Variants in C12orf42 observed in about 807,000 individuals in gnomAD.
C12orf42 encodes chromosome 12 open reading frame 42.
Under a neutral mutation model 21.6 loss-of-function variants are expected in C12orf42, and 25 were observed. The observed-to-expected ratio is 1.16, with a 90% confidence interval of 0.84 to 1.62. The LOEUF (loss-of-function observed/expected upper bound fraction) is 1.62, where lower values mean the gene tolerates loss of function less well. Among genes scored for constraint, C12orf42 ranks in the 40% most tolerant of loss-of-function variants. C12orf42 has a pLI of 0.00. For synonymous variants in C12orf42, 174 were observed against 175.0 expected, an observed-to-expected ratio of 0.99 and a Z score of 0.05; for missense variants, 483 against 459.3, an observed-to-expected ratio of 1.05 and a Z score of -0.47.
chr12:103,220,216 C>T, the C12orf42 span, among the ~76,000 whole-genome samples: 2 of 152,032 alleles, frequency 1.3e-5, no homozygotes, highest in Non-Finnish European at 2.9e-5. Flanking sequence ...ATAATGAGAA[C>T]ACATGGACAC....
chr12:103,398,502 A>C (rs1032814798), intron 3 of C12orf42, among the ~76,000 whole-genome samples: 2 of 152,126 alleles, frequency 1.3e-5, no homozygotes, highest in African/African-American at 4.8e-5. Context: ...TGGTAAAGGA[A>C]ACTTTTTAAT....
chr12:103,319,153 G>A (rs1481875298), intron 4 of C12orf42, among the ~76,000 whole-genome samples: 1 of 152,154 alleles, frequency 6.6e-6, no homozygotes, highest in African/African-American at 2.4e-5. Context: ...TCGAAGGGCT[G>A]TATATGTGAA....
rs185714547 is a variant in C12orf42 at position 103,399,479 on chromosome 12, C to T, written c.147+2128G>A. ...CACCTCCCGGGTTCAAATAGAATTACTATATGATCCAGCAAACTCAAAAAA... is the reference window on the plus strand; with the variant it reads ...CACCTCCCGGGTTCAAATAGAATTATTATATGATCCAGCAAACTCAAAAAA... On this transcript the variant is annotated intron_variant, in intron 3 of 5. Transcript: ENST00000548883. 2.4e-3 allele frequency among the ~76,000 whole-genome samples: 353 copies of T among 144,734 alleles called. 3 individuals are homozygous for T. Among genetic ancestry groups the T allele is most frequent in the African/African-American group, 8.7e-3 (346 of 39,554 alleles). 95.0% of individuals were successfully genotyped at this position (144,734 alleles called of 152,430 possible). A position where few individuals can be genotyped will look rare whatever the true frequency, so the allele number is the denominator to read the frequency against.
intron 2 of C12orf42, among the ~76,000 whole-genome samples, chr12:103,409,872 C>T (rs1003029016): frequency 1.3e-5 from 2 of 152,136 alleles, no homozygotes; most frequent in Non-Finnish European, 2.9e-5. Context: ...GAGCACAATA[C>T]ACTAAGATGG....
At chr12:103,523,776 T>G in the C12orf42 span, among the ~76,000 whole-genome samples, 3 of 151,818 alleles carry the variant, frequency 2.0e-5, no homozygotes, top group South Asian at 4.2e-4. Context: ...TATATATATC[T>G]TAAACCTTTC....
the C12orf42 span, among the ~76,000 whole-genome samples, chr12:103,129,051 G>A: frequency 6.6e-6 from 1 of 152,156 alleles, no homozygotes; most frequent in Non-Finnish European, 1.5e-5. Context: ...TGGCCTTCCT[G>A]TGCATCTGTC....
At chr12:103,386,968 C>A (rs2046663618) in intron 3 of C12orf42, among the ~76,000 whole-genome samples, 1 of 152,226 alleles carries the variant, frequency 6.6e-6, no homozygotes, top group South Asian at 2.1e-4. Context: ...GTTCACAGCC[C>A]TCCCACAGCT....
chr12:103,531,052 T>C, the C12orf42 span, among the ~76,000 whole-genome samples: 1 of 152,140 alleles, frequency 6.6e-6, no homozygotes, highest in Non-Finnish European at 1.5e-5. Context: ...CCAGGGGACA[T>C]ATTTCTCAAA....
the C12orf42 span, chr12:103,505,743 TC>T: frequency 4.8e-6 from 1 of 209,472 alleles, no homozygotes; most frequent in African/African-American, 2.4e-5. Context: ...TTTTGTTCTT[TC>T]TGTCACCACA....
the C12orf42 span, among the ~76,000 whole-genome samples, chr12:103,537,745 T>C: frequency 1.3e-5 from 2 of 152,178 alleles, no homozygotes; most frequent in Admixed American, 6.5e-5. Flanking sequence ...AAACATTCCA[T>C]GGGGCTGCTA....
chr12:103,440,765 C>G (rs1366189815), intron 2 of C12orf42, among the ~76,000 whole-genome samples: 2 of 152,106 alleles, frequency 1.3e-5, no homozygotes, highest in Non-Finnish European at 2.9e-5. Flanking sequence ...TGGCTCCCCT[C>G]TTGGAGAATT....
chr12:103,306,685 C>A (rs2038368995), intron 4 of C12orf42, among the ~76,000 whole-genome samples: 1 of 152,142 alleles, frequency 6.6e-6, no homozygotes, highest in Non-Finnish European at 1.5e-5. Flanking sequence ...AGTTTTGAGG[C>A]TTATGGGTTG....
intron 2 of C12orf42, among the ~76,000 whole-genome samples, chr12:103,434,765 T>G (rs10861007): frequency 5.9e-5 from 9 of 152,326 alleles, no homozygotes; most frequent in Admixed American, 4.6e-4. Context: ...CACGGACTCT[T>G]GCTGATTGCT....
chr12:103,197,755 T>C, the C12orf42 span, among the ~76,000 whole-genome samples: 1 of 152,196 alleles, frequency 6.6e-6, no homozygotes, highest in African/African-American at 2.4e-5. Flanking sequence ...TACTCTTTGA[T>C]GGCTGTGAGG....
chr12:103,291,441 C>G (rs570514961), intron 4 of C12orf42, among the ~76,000 whole-genome samples: 1 of 152,124 alleles, frequency 6.6e-6, no homozygotes, highest in Admixed American at 6.6e-5. Context: ...GACAGAGTAG[C>G]GAAAGCAAAG....
At chr12:103,506,886 T>TAAATATATTATATTTA in the C12orf42 span, among the ~76,000 whole-genome samples, 2 of 36,518 alleles carry the variant, frequency 5.5e-5, no homozygotes, top group African/African-American at 1.4e-4. Flanking sequence ...ATATTATATA[T>TAAATATATTATATTTA]TAAATATATA....
chr12:103,181,672 C>A, the C12orf42 span, among the ~76,000 whole-genome samples: 3 of 152,340 alleles, frequency 2.0e-5, no homozygotes, highest in African/African-American at 7.2e-5. Flanking sequence ...CCAGAATGAT[C>A]TTCTTCATTC....
rs1467242140 is a variant in C12orf42 at position 103,294,457 on chromosome 12, AG to A, written n.338-17248del. Among the ~76,000 whole-genome samples the A allele has an allele frequency of 5.3e-4, 70 of 131,660 alleles. 1 individual carries two copies. Among genetic ancestry groups the A allele is most frequent in the African/African-American group, 1.8e-3 (54 of 30,362 alleles). 86.4% of individuals were successfully genotyped at this position (131,660 alleles called of 152,430 possible). ...AAGAAAGAAAGAAAGAAAGAAAGAA[AG>A]AAAGAAAGAAAGAAATAAGCAAGCA... On this transcript the variant is annotated intron_variant and non_coding_transcript_variant, in intron 4 of 6. Coordinates refer to the C12orf42 transcript ENST00000546526.
At chr12:103,158,873 CAAAA>C in the C12orf42 span, among the ~76,000 whole-genome samples, 3 of 109,774 alleles carry the variant, frequency 2.7e-5, no homozygotes, top group Non-Finnish European at 4.2e-5. Context: ...GAGCAAGACT[CAAAA>C]AAAAAAAAAA....
Sources: allele counts gnomAD v4.1 joint callset (sites outside exome capture counted in the v4.1 genomes callset), GRCh38; gene constraint gnomAD v4.1.1; transcripts MANE v1.5; gene names NCBI Gene and HGNC (gene_info 2026-07-23, HGNC 2026-07-21).